The following SEC63 variants were observed in gnomAD, a reference collection of about 807,000 sequenced individuals.
The protein encoded by SEC63 is SEC63 protein translocation regulator.
A neutral mutation model predicts 116.2 loss-of-function variants in SEC63; 56 were observed. The ratio of observed to expected loss-of-function variants is 0.48; its 90% confidence interval spans 0.39 to 0.60. The LOEUF is 0.60. SEC63 is among the 20% of genes least tolerant of loss of function. The pLI is 0.00. For synonymous variants in SEC63, 273 were observed against 294.6 expected (o/e 0.93, Z 0.75); for missense variants, 668 against 900.0 (o/e 0.74, Z 3.30).
rs755042958 is a variant in SEC63 at position 107,893,551 on chromosome 6, T to G, written c.1605A>C (p.Lys535Asn). Reference sequence around the variant, plus strand: ...ACTGTGGTAATAGCACAGGTGTAGGTTTTTTTTTTAAAGGTTTCTTTTTTT... The same window carrying G: ...ACTGTGGTAATAGCACAGGTGTAGGGTTTTTTTTTAAAGGTTTCTTTTTTT... Reference protein sequence around the residue: ...KSKKKKPLKKKPTPVLLPQSK... With the variant: ...KSKKKKPLKKNPTPVLLPQSK... The change falls in exon 16 of 21, where the codon AAA becomes AAC. Residue 535 changes from lysine (K) to asparagine (N), a missense_variant. Coordinates refer to ENST00000369002, the MANE Select transcript of SEC63 (RefSeq NM_007214.5). 1.3e-5 allele frequency: 21 copies of G among 1,563,490 alleles called. No homozygotes were observed. Among genetic ancestry groups the G allele is most frequent in the Admixed American group, 7.2e-5 (4 of 55,562 alleles).
intron 2 of SEC63, among the ~76,000 whole-genome samples, chr6:107,929,038 G>C (rs563571578): frequency 6.6e-6 from 1 of 152,312 alleles, no homozygotes; most frequent in African/African-American, 2.4e-5. Flanking sequence ...CTAGCATACA[G>C]TATGTGCTCA....
At chr6:107,932,626 C>G (rs1484901117) in intron 1 of SEC63, among the ~76,000 whole-genome samples, 4 of 152,132 alleles carry the variant, frequency 2.6e-5, no homozygotes, top group African/African-American at 9.7e-5. Context: ...AAATAGAAAA[C>G]AAGAATGAAC....
intron 13 of SEC63, among the ~76,000 whole-genome samples, chr6:107,900,094 T>C (rs1404906516): frequency 6.6e-6 from 1 of 152,140 alleles, no homozygotes; most frequent in Non-Finnish European, 1.5e-5. Context: ...ATATTTGCTG[T>C]ATAAATAAAT....
chr6:107,955,758 C>T (rs1314296923), intron 1 of SEC63, among the ~76,000 whole-genome samples: 23 of 152,018 alleles, frequency 1.5e-4, no homozygotes, highest in Admixed American at 1.2e-3. Flanking sequence ...TGGTGGTGCA[C>T]GCCTGTAATC....
At chr6:107,913,480 A>G (rs1787332051) in intron 4 of SEC63, 53 bp from the exon 5 acceptor site, 1 of 1,272,284 alleles carries the variant, frequency 7.9e-7, no homozygotes, top group Non-Finnish European at 1.2e-6. Flanking sequence ...CTGAAAAACA[A>G]GTACTCATAT....
At chr6:107,929,251 C>T (rs1376334551) in intron 2 of SEC63, among the ~76,000 whole-genome samples, 164 bp downstream of exon 2, 4 of 152,204 alleles carry the variant, frequency 2.6e-5, no homozygotes, top group Non-Finnish European at 5.9e-5. Context: ...AACTTCTAAA[C>T]CAATCTGTTC....
At chr6:107,949,948 C>T (rs1360606036) in intron 1 of SEC63, among the ~76,000 whole-genome samples, 3 of 152,244 alleles carry the variant, frequency 2.0e-5, no homozygotes, top group South Asian at 4.1e-4. Flanking sequence ...CCTTCCTTAA[C>T]AGTAATTACT....
rs1169448059 is a variant in SEC63, at chr6:107,869,077, TAC to T, written c.*2625_*2626del. On this transcript the variant is annotated 3_prime_UTR_variant, in exon 21 of 21. Coordinates refer to ENST00000369002, the MANE Select transcript of SEC63 (RefSeq NM_007214.5). ...TTCCACCAGAGCCTGAGCTTCCCCA[TAC>T]ACAGTGGGACAGTACAGCTGGACAG... is the stretch of plus-strand genomic sequence containing the variant. The T allele has an allele frequency of 6.6e-6, 1 of 152,106 alleles. No individual in the cohort carries two copies. 9.4% of individuals were successfully genotyped at this position (152,106 alleles called of 1,614,324 possible).
At chr6:107,871,978 T>C in intron 20 of SEC63, 131 bp from the exon 21 acceptor site, 1 of 839,034 alleles carries the variant, frequency 1.2e-6, no homozygotes, top group Admixed American at 2.1e-5. Flanking sequence ...CAATTCTAAA[T>C]TCAACTCATT....
intron 20 of SEC63, among the ~76,000 whole-genome samples, chr6:107,872,163 CTTAA>C (rs1316212950): frequency 2.6e-5 from 4 of 152,110 alleles, no homozygotes; most frequent in Admixed American, 1.3e-4. Flanking sequence ...TGAGTCATAT[CTTAA>C]CAGAAGCCTT....
chr6:107,954,075 T>C (rs1361877017), intron 1 of SEC63, among the ~76,000 whole-genome samples: 2 of 152,178 alleles, frequency 1.3e-5, no homozygotes, highest in Admixed American at 6.5e-5. Flanking sequence ...GCCATGTCTG[T>C]GTAGAAAGAG....
At chr6:107,945,971 C>G (rs927015630) in intron 1 of SEC63, among the ~76,000 whole-genome samples, 1 of 152,136 alleles carries the variant, frequency 6.6e-6, no homozygotes, top group Non-Finnish European at 1.5e-5. Flanking sequence ...GAGTCTTACT[C>G]TGTCGCCCAG....
intron 16 of SEC63, among the ~76,000 whole-genome samples, chr6:107,887,562 C>T (rs1397948670): frequency 1.4e-5 from 2 of 144,962 alleles, no homozygotes; most frequent in African/African-American, 5.2e-5. Flanking sequence ...ATCACATGGA[C>T]ACAGGAAGGG....
Position 107,901,523 on chromosome 6 carries a change from TAAAA to T in SEC63, c.1210-10_1210-7del, listed in dbSNP as rs370485907. 3 of 1,169,352 alleles carry T rather than the reference TAAAA, an allele frequency of 2.6e-6. No homozygotes were observed. In the East Asian group the frequency reaches 9.3e-5, roughly 36 times the overall value. 72.4% of individuals were successfully genotyped at this position (1,169,352 alleles called of 1,614,324 possible). A position where few individuals can be genotyped will look rare whatever the true frequency, so the allele number is the denominator to read the frequency against. On this transcript the variant is annotated splice_region_variant and splice_polypyrimidine_tract_variant and intron_variant, in intron 12 of 20. Coordinates refer to ENST00000369002, the MANE Select transcript of SEC63 (RefSeq NM_007214.5). ...TGGATAGTTTTAATTTTATACTGAA[TAAAA>T]AAAAAAAAGAAAATACATAATTCCC...
intron 2 of SEC63, among the ~76,000 whole-genome samples, chr6:107,928,434 A>G (rs1415314064): frequency 6.6e-6 from 1 of 151,890 alleles, no homozygotes; most frequent in Non-Finnish European, 1.5e-5. Context: ...GGCTGCAGTG[A>G]GCCAAGATAG....
rs1308662457 is a variant in SEC63 at position 107,868,667 on chromosome 6, T to TA, written c.*3036dup. On this transcript the variant is annotated 3_prime_UTR_variant, in exon 21 of 21. Coordinates refer to ENST00000369002, the MANE Select transcript of SEC63 (RefSeq NM_007214.5). Reference sequence around the variant, plus strand: ...AAATAATTCTTCTGCCTACAGTAGATAGACTAAAAAAAAAAAAAGGCATTC... The same window carrying TA: ...AAATAATTCTTCTGCCTACAGTAGATAAGACTAAAAAAAAAAAAAGGCATTC... 1 of 149,088 alleles carries TA rather than the reference T, an allele frequency of 6.7e-6. No individual in the cohort carries two copies. Among genetic ancestry groups the TA allele is most frequent in the African/African-American group, 2.5e-5 (1 of 40,262 alleles). 9.2% of individuals were successfully genotyped at this position (149,088 alleles called of 1,614,324 possible).
chr6:107,945,687 C>G (rs7760437), intron 1 of SEC63, among the ~76,000 whole-genome samples: 16,248 of 151,774 alleles, frequency 0.11, 2,804 homozygotes, highest in African/African-American at 0.37. Context: ...CATTTGTCAT[C>G]AATAAAGTCT....
intron 6 of SEC63, among the ~76,000 whole-genome samples, chr6:107,912,444 A>G (rs1259449076): frequency 6.6e-6 from 1 of 152,118 alleles, no homozygotes; most frequent in Non-Finnish European, 1.5e-5. Flanking sequence ...TTAGCCAGGC[A>G]TGGTGGTGGG....
intron 16 of SEC63, among the ~76,000 whole-genome samples, chr6:107,887,616 G>T (rs1170362233): frequency 1.3e-5 from 2 of 151,262 alleles, no homozygotes; most frequent in East Asian, 3.9e-4. Context: ...GGGAAGGGGG[G>T]AGGGATAGCA....
Sources: allele counts gnomAD v4.1 joint callset (sites outside exome capture counted in the v4.1 genomes callset), GRCh38; gene constraint gnomAD v4.1.1; transcripts MANE v1.5; gene names NCBI Gene and HGNC (gene_info 2026-07-23, HGNC 2026-07-21).